CALCR: variants seen among roughly 807,000 people sequenced by gnomAD.
The protein encoded by CALCR is calcitonin receptor.
Under a neutral mutation model 59.5 loss-of-function variants are expected in CALCR, and 47 were observed. The observed-to-expected ratio is 0.79, with a 90% CI of 0.63 to 1.01. The LOEUF (loss-of-function observed/expected upper bound fraction) is 1.01. Among genes scored for constraint, CALCR ranks in the 50% least tolerant of loss-of-function variants. CALCR has a pLI of 0.00. For synonymous variants in CALCR, 213 were observed against 211.3 expected (o/e 1.01, Z -0.07); for missense variants, 566 against 597.1 (o/e 0.95, Z 0.54).
At chr7:93,554,984 T>C (rs1789558100) in intron 2 of CALCR, among the ~76,000 whole-genome samples, 1 of 151,862 alleles carries the variant, frequency 6.6e-6, no homozygotes, top group Non-Finnish European at 1.5e-5. Flanking sequence ...TAGGCCATAT[T>C]GGCAGTAACT....
intron 2 of CALCR, among the ~76,000 whole-genome samples, chr7:93,536,104 CT>C (rs2116156378): frequency 6.6e-6 from 1 of 151,874 alleles, no homozygotes; most frequent in East Asian, 1.9e-4. Flanking sequence ...AAAGGAGTAA[CT>C]TAACTGGTGA....
At chr7:93,482,313 A>G (rs539531158) in intron 3 of CALCR, among the ~76,000 whole-genome samples, 78 of 151,996 alleles carry the variant, frequency 5.1e-4, no homozygotes, top group Non-Finnish European at 2.9e-5. Flanking sequence ...TTATACATTT[A>G]TTTTAGATTC....
At chr7:93,498,071 C>T (rs1159493960) in intron 2 of CALCR, among the ~76,000 whole-genome samples, 2 of 151,526 alleles carry the variant, frequency 1.3e-5, no homozygotes, top group Non-Finnish European at 3.0e-5. Flanking sequence ...ACTCTAAGAC[C>T]CATCTCCTTA....
At chr7:93,437,980 A>G in intron 11 of CALCR, 80 bp downstream of exon 11, 5 of 1,162,812 alleles carry the variant, frequency 4.3e-6, no homozygotes, top group Middle Eastern at 2.0e-4. Context: ...TATAAAACAT[A>G]TGATACATAG....
At chr7:93,567,569 A>C (rs949131668) in intron 2 of CALCR, among the ~76,000 whole-genome samples, 1 of 151,980 alleles carries the variant, frequency 6.6e-6, no homozygotes, top group African/African-American at 2.4e-5. Context: ...TTTTAATTAT[A>C]CTTTAAGTTC....
At chr7:93,450,342 G>T (rs1484892150) in intron 8 of CALCR, among the ~76,000 whole-genome samples, 1 of 151,954 alleles carries the variant, frequency 6.6e-6, no homozygotes, top group Non-Finnish European at 1.5e-5. Flanking sequence ...GGGTATGGCT[G>T]TTAGATCATC....
rs1362820627 is a variant in CALCR, at chr7:93,438,073, A to G, written c.917T>C (p.Met306Thr). The change falls in exon 11 of 14, where the codon ATG (methionine) becomes ACG (threonine). Residue 306 changes from methionine to threonine, a missense_variant. Physicochemically the swap from Met to Thr is moderately conservative, Grantham distance 81. Coordinates refer to ENST00000426151, the MANE Select transcript of CALCR (RefSeq NM_001742.4). ...HLLYIIHGPV[M>T]AALVVNFFFL... The stretch of plus-strand genomic sequence containing the variant: ...ACTAATTCTCACCACAAGTGCCGCC[A>G]TGACAGGTCCATGGATTATGTAAAG... 11 of 1,613,860 alleles carry G rather than the reference A, an allele frequency of 6.8e-6. No individual in the cohort carries two copies. Among genetic ancestry groups the G allele is most frequent in the Non-Finnish European group, 9.3e-6 (11 of 1,179,792 alleles).
chr7:93,563,899 G>A (rs887993673), intron 2 of CALCR, among the ~76,000 whole-genome samples: 6 of 152,146 alleles, frequency 3.9e-5, no homozygotes, highest in East Asian at 1.9e-4. Flanking sequence ...GAGTAAGAGT[G>A]TGAAATAGTA....
At chr7:93,554,933 T>C (rs1789556462) in intron 2 of CALCR, among the ~76,000 whole-genome samples, 1 of 151,808 alleles carries the variant, frequency 6.6e-6, no homozygotes, top group Non-Finnish European at 1.5e-5. Flanking sequence ...CTATTGATTA[T>C]GTGAGAAAAC....
intron 2 of CALCR, among the ~76,000 whole-genome samples, chr7:93,518,059 A>G (rs1801683867): frequency 2.0e-5 from 3 of 151,940 alleles, no homozygotes; most frequent in Admixed American, 2.0e-4. Context: ...ATGTAAAAGC[A>G]TGAAACATTG....
chr7:93,473,289 T>C (rs1800595359), intron 5 of CALCR, among the ~76,000 whole-genome samples: 2 of 151,858 alleles, frequency 1.3e-5, no homozygotes, highest in Admixed American at 1.3e-4. Flanking sequence ...ATAATGAGTC[T>C]TTGAAGTGAA....
chr7:93,435,286 C>G (rs559129003), intron 12 of CALCR, among the ~76,000 whole-genome samples: 1 of 152,128 alleles, frequency 6.6e-6, no homozygotes, highest in Non-Finnish European at 1.5e-5. Context: ...GCATGGACAG[C>G]CTTGTGCAAA....
At chr7:93,501,307 T>C (rs902356561) in intron 2 of CALCR, among the ~76,000 whole-genome samples, 4 of 152,074 alleles carry the variant, frequency 2.6e-5, no homozygotes, top group African/African-American at 9.7e-5. Flanking sequence ...GCTTAGTCCT[T>C]GTGAGAAACT....
intron 5 of CALCR, among the ~76,000 whole-genome samples, chr7:93,473,154 C>T (rs1800591109): frequency 6.6e-6 from 1 of 151,882 alleles, no homozygotes; most frequent in East Asian, 2.0e-4. Context: ...TTTAAAGTAT[C>T]TCATAGATGC....
At chr7:93,536,769 G>A (rs1789001383) in intron 2 of CALCR, among the ~76,000 whole-genome samples, 1 of 151,260 alleles carries the variant, frequency 6.6e-6, no homozygotes, top group Non-Finnish European at 1.5e-5. Flanking sequence ...TTCTCATGTT[G>A]GCTTTTTTTC....
chr7:93,454,545 C>T (rs1800169641), intron 8 of CALCR, among the ~76,000 whole-genome samples: 1 of 151,450 alleles, frequency 6.6e-6, no homozygotes, highest in South Asian at 2.1e-4. Flanking sequence ...CCTTTAGATG[C>T]AGCAAGAACA....
Position 93,574,512 on chromosome 7 carries a change from T to G in CALCR, c.-244-6A>C, listed in dbSNP as rs1268416739. 1 of 152,238 alleles carries G rather than the reference T, an allele frequency of 6.6e-6. No individual in the cohort carries two copies. The allele number at this position is 152,238 out of a possible 1,614,324, so 9.4% of individuals were successfully genotyped here. A position where few individuals can be genotyped will look rare whatever the true frequency, so the allele number is the denominator to read the frequency against. ...ACGCTGGTGGGCTGGCTTTCCTAGTTTGATGCGAGAGCAAACTGCGTTAGT... is the reference window on the plus strand; with the variant it reads ...ACGCTGGTGGGCTGGCTTTCCTAGTGTGATGCGAGAGCAAACTGCGTTAGT... On this transcript the variant is annotated splice_region_variant and splice_polypyrimidine_tract_variant and intron_variant, in intron 1 of 13. Coordinates refer to ENST00000426151, the MANE Select transcript of CALCR (RefSeq NM_001742.4).
At chr7:93,470,400 A>G (rs1316848489) in intron 6 of CALCR, among the ~76,000 whole-genome samples, 1 of 151,826 alleles carries the variant, frequency 6.6e-6, no homozygotes, top group Non-Finnish European at 1.5e-5. Context: ...TTTACTATGT[A>G]GAACACTCTT....
At chr7:93,560,016 C>A (rs1448254132) in intron 2 of CALCR, among the ~76,000 whole-genome samples, 2 of 152,058 alleles carry the variant, frequency 1.3e-5, no homozygotes, top group Admixed American at 1.3e-4. Flanking sequence ...ATATTAGAAA[C>A]AGCTATTTAA....
Sources: allele counts gnomAD v4.1 joint callset (sites outside exome capture counted in the v4.1 genomes callset), GRCh38; gene constraint gnomAD v4.1.1; transcripts MANE v1.5; gene names NCBI Gene and HGNC (gene_info 2026-07-23, HGNC 2026-07-21).